The following MYH3 variants were observed in gnomAD, a reference collection of about 807,000 sequenced individuals.
The protein encoded by MYH3 is myosin-3.
Under a neutral mutation model 238.0 loss-of-function variants are expected in MYH3, and 130 were observed. The observed-to-expected ratio is 0.55, with a 90% CI of 0.47 to 0.63. The LOEUF (loss-of-function observed/expected upper bound fraction) is 0.63, where lower values mean the gene tolerates loss of function less well. Ranked by LOEUF, MYH3 falls within the 30% of genes least tolerant of loss-of-function variation. The pLI, the probability that MYH3 is intolerant of heterozygous loss-of-function variation, is 0.00. For missense variants in MYH3, 1,853 were observed against 2,374.9 expected (o/e 0.78, Z 4.57); for synonymous variants, 880 against 924.1 (o/e 0.95, Z 0.86).
chr17:10,659,767 C>T (rs1196274491), upstream of MYH3, among the ~76,000 whole-genome samples: 1 of 152,196 alleles, frequency 6.6e-6, no homozygotes, highest in Non-Finnish European at 1.5e-5. Flanking sequence ...GAACTGTCTC[C>T]TTTTCAGATG....
chr17:10,662,399 C>A, the MYH3 span, among the ~76,000 whole-genome samples: 34 of 152,172 alleles, frequency 2.2e-4, no homozygotes, highest in Non-Finnish European at 3.5e-4. Flanking sequence ...TATCTAAATG[C>A]GACCACTGTT....
chr17:10,659,878 G>A (rs1457599255), upstream of MYH3, among the ~76,000 whole-genome samples: 1 of 152,232 alleles, frequency 6.6e-6, no homozygotes, highest in Admixed American at 6.5e-5. Flanking sequence ...ATCCCGCAGT[G>A]GCTGGAAGGG....
chr17:10,632,123 TTTG>T (rs1480066497), intron 34 of MYH3, 107 bp from the exon 35 acceptor site: 4 of 1,357,588 alleles, frequency 2.9e-6, no homozygotes, highest in South Asian at 2.6e-5. Flanking sequence ...TTTGTTTTGT[TTTG>T]TTTTGTTTGT....
intron 2 of MYH3, among the ~76,000 whole-genome samples, chr17:10,655,667 T>C (rs111665638): frequency 0.018 from 2,698 of 152,116 alleles, 61 homozygotes; most frequent in African/African-American, 0.049. Flanking sequence ...TTGCCTTTTT[T>C]TTTTGAGATG....
rs1384001417 is a variant in MYH3, at chr17:10,638,978, G to A, written c.3249-15C>T. 6.2e-7 allele frequency: 1 copy of A among 1,614,088 alleles called. No individual in the cohort carries two copies. Among genetic ancestry groups the A allele is most frequent in the Admixed American group, 1.7e-5 (1 of 60,034 alleles). On this transcript the variant is annotated splice_polypyrimidine_tract_variant and intron_variant, in intron 25 of 40. Coordinates refer to ENST00000583535, the MANE Select transcript of MYH3 (RefSeq NM_002470.4). ...CAAAATCTTTCCTGTGAAGAGAAAT[G>A]TAGAATGCATGAAGACAAAATACAC...
chr17:10,641,884 C>T lies in MYH3; in HGVS notation c.1959+356G>A, dbSNP rs2074276198. ...AACTGATACAATTGTCTTTTGTCTC[C>T]CAGTGAGCCAGAGGCTCGCCAAGTA... On this transcript the variant is annotated intron_variant, in intron 17 of 40. Transcript: ENST00000583535. Among the ~76,000 whole-genome samples, 3 of 152,070 alleles carry T rather than the reference C, an allele frequency of 2.0e-5. No homozygotes were observed. The South Asian group carries it at 6.2e-4, about 32-fold the overall frequency.
rs1433085286 is a variant in MYH3 at position 10,654,122 on chromosome 17, C to T, written c.204+739G>A. ...CAACCCAATGATAGTATTTCCTTTA[C>T]TTGTCTCTTTTATTTTCTTTCTTTC... On this transcript the variant is annotated intron_variant, in intron 3 of 40. Transcript: ENST00000583535. This position sits in a 1 kb window ranked among gnomAD's most constrained non-coding sequence, Gnocchi z 4.5. Among the ~76,000 whole-genome samples the T allele has an allele frequency of 1.3e-5, 2 of 151,602 alleles. No homozygotes were observed. Among genetic ancestry groups the T allele is most frequent in the Non-Finnish European group, 2.9e-5 (2 of 67,948 alleles).
intron 8 of MYH3, 137 bp downstream of exon 8, chr17:10,648,420 T>G: frequency 1.3e-6 from 1 of 793,466 alleles, no homozygotes; most frequent in African/African-American, 1.7e-5. Context: ...GAATTTATCT[T>G]TATCTGAAAT....
chr17:10,644,212 C>T (rs2074299546), intron 14 of MYH3, 139 bp downstream of exon 14: 1 of 892,490 alleles, frequency 1.1e-6, no homozygotes, highest in South Asian at 1.4e-5. Flanking sequence ...AAGTACCGCT[C>T]CTCTATTCCA....
intron 14 of MYH3, among the ~76,000 whole-genome samples, chr17:10,643,706 G>A (rs1188906218): frequency 6.6e-6 from 1 of 152,076 alleles, no homozygotes; most frequent in African/African-American, 2.4e-5. Context: ...AGAACCAGTG[G>A]GATATTTATA....
chr17:10,638,818 C>T, intron 26 of MYH3, 55 bp downstream of exon 26: 2 of 1,554,136 alleles, frequency 1.3e-6, no homozygotes, highest in Admixed American at 1.7e-5. Flanking sequence ...GCAGACAGCA[C>T]CCAGCTCACT....
At chr17:10,633,908 AAC>A (rs1355265277) in intron 32 of MYH3, 107 bp downstream of exon 32, 2 of 1,496,726 alleles carry the variant, frequency 1.3e-6, no homozygotes, top group East Asian at 4.5e-5. Flanking sequence ...CATGTGCATT[AAC>A]ACACATGTGT....
rs749718130 is a variant in MYH3 at position 10,631,661 on chromosome 17, T to C, written c.5236A>G (p.Ser1746Gly). The C allele has an allele frequency of 6.2e-7, 1 of 1,614,200 alleles. No individual in the cohort carries two copies. The highest frequency in any genetic ancestry group is 1.7e-5 in the Admixed American group (1 of 60,020). Residue 1746 changes from serine (S) to glycine (G), a missense_variant, in exon 36 of 41, where the codon AGC (serine) becomes GGC (glycine). Ser to Gly is a moderately conservative substitution (Grantham distance 56). Around this residue, in one of 3 missense-constraint regions of MYH3, gnomAD observed 1,044 missense variants for 1,192.6 expected, o/e 0.88. Transcript: ENST00000583535. ...MQLQSEVEDA[S>G]RDARNAEEKA... ...TCCTCAGCGTTCCTTGCATCCCTGCTGGCATCTTCTACCTCACTCTGGAGC... is the reference window on the plus strand; with the variant it reads ...TCCTCAGCGTTCCTTGCATCCCTGCCGGCATCTTCTACCTCACTCTGGAGC...
chr17:10,662,011 T>G (rs989007747), upstream of MYH3, among the ~76,000 whole-genome samples: 4 of 142,822 alleles, frequency 2.8e-5, no homozygotes, highest in Admixed American at 2.0e-4. Flanking sequence ...TCCCCAGCTT[T>G]CTTTCTTTCT....
chr17:10,678,020 CAGG>C, the MYH3 span: 1 of 152,276 alleles, frequency 6.6e-6, no homozygotes. Context: ...GAGGCTGAGG[CAGG>C]AGAATTGCTT....
In MYH3 at chr17:10,641,354, T is replaced by A. The variant is rs1211120745; in HGVS notation, c.1978A>T (p.Met660Leu). ...ALFRENLNKL[M>L]SNLRTTHPHF... Reference sequence around the variant, plus strand: ...GGGTGAGTAGTTCTTAAATTTGACATCAGCTTGTTCAGGTTTTCCTAAGAG... The same window carrying A: ...GGGTGAGTAGTTCTTAAATTTGACAACAGCTTGTTCAGGTTTTCCTAAGAG... The change falls in exon 18 of 41, where the codon ATG (methionine) becomes TTG (leucine). Residue 660 changes from methionine (M) to leucine (L), a missense_variant. Physicochemically the swap from Met to Leu is conservative, Grantham distance 15 (BLOSUM62 2). Coordinates refer to ENST00000583535, the MANE Select transcript of MYH3 (RefSeq NM_002470.4). 3.1e-6 allele frequency: 5 copies of A among 1,605,104 alleles called. No homozygotes were observed. The highest frequency in any genetic ancestry group is 4.3e-6 in the Non-Finnish European group (5 of 1,175,682).
At chr17:10,660,249 G>A (rs528429804), upstream of MYH3, among the ~76,000 whole-genome samples, 1 of 152,336 alleles carries the variant, frequency 6.6e-6, no homozygotes, top group South Asian at 2.1e-4. Flanking sequence ...TGTTTGCCAG[G>A]TGTAAGTTTT....
In MYH3 at chr17:10,629,942, G is replaced by A; in HGVS notation, c.5563-5C>T. 1 of 1,614,074 alleles carries A rather than the reference G, an allele frequency of 6.2e-7. No individual in the cohort carries two copies. Among genetic ancestry groups the A allele is most frequent in the Non-Finnish European group, 8.5e-7 (1 of 1,179,938 alleles). Reference sequence around the variant, plus strand: ...ATTCTTCCTGTCCTCTTCACTCTAAGAATGAGAAAGTGGGAATGTCACTGG... The same window carrying A: ...ATTCTTCCTGTCCTCTTCACTCTAAAAATGAGAAAGTGGGAATGTCACTGG... On this transcript the variant is annotated splice_region_variant and splice_polypyrimidine_tract_variant and intron_variant, in intron 38 of 40. Coordinates refer to ENST00000583535, the MANE Select transcript of MYH3 (RefSeq NM_002470.4).
rs1331140833 is a variant in MYH3, at chr17:10,649,577, C to G, written c.642G>C (p.Lys214Asn). 2 of 1,612,556 alleles carry G rather than the reference C, an allele frequency of 1.2e-6. No homozygotes were observed. Among genetic ancestry groups the G allele is most frequent in the East Asian group, 2.2e-5 (1 of 44,866 alleles). Residue 214 changes from lysine (K) to asparagine (N), a missense_variant and splice_region_variant, in exon 7 of 41, where the codon AAG (lysine) becomes AAC (asparagine). By Grantham distance (94) the Lys-to-Asn change is moderately conservative (BLOSUM62 0). Transcript: ENST00000583535. ...DLAKKKDSKM[K>N]GTLEDQIISA... ...GCAAGCCTTCCTCTCCCATCTATAC[C>G]TTCATTTTGGAGTCCTTCTTCTTGG...
Sources: allele counts gnomAD v4.1 joint callset (sites outside exome capture counted in the v4.1 genomes callset), GRCh38; gene constraint gnomAD v4.1.1; regional missense constraint gnomAD v4.1.1; non-coding constraint Gnocchi (gnomAD v3.1); transcripts MANE v1.5; gene names NCBI Gene and HGNC (gene_info 2026-07-23, HGNC 2026-07-21).